The following MNDA variants were observed in gnomAD, a reference collection of about 807,000 sequenced individuals.
MNDA encodes the protein myeloid cell nuclear differentiation antigen.
Under a neutral mutation model 37.8 loss-of-function variants are expected in MNDA, and 43 were observed. That is an observed-to-expected ratio of 1.14 (90% CI 0.89 to 1.47). The LOEUF is 1.47. Among genes scored for constraint, MNDA ranks in the 40% most tolerant of loss-of-function variants. The probability of loss-of-function intolerance (pLI) is 0.00; values close to 1 mark genes in which losing one functional copy is unlikely to be tolerated. For missense variants in MNDA, 536 were observed against 476.0 expected, an observed-to-expected ratio of 1.13 and a Z score of -1.17; for synonymous variants, 181 against 169.0, an observed-to-expected ratio of 1.07 and a Z score of -0.55.
chr1:158,843,565 T>TA (rs1397359427), intron 3 of MNDA, 150 bp downstream of exon 3: 26 of 877,886 alleles, frequency 3.0e-5, no homozygotes, highest in Non-Finnish European at 3.4e-5. Context: ...TTAGGTATCG[T>TA]AAAAATGTAA....
intron 5 of MNDA, among the ~76,000 whole-genome samples, chr1:158,847,284 C>A (rs567046946): frequency 2.0e-4 from 30 of 152,216 alleles, no homozygotes; most frequent in Admixed American, 1.3e-3. Context: ...AACCCAAAAC[C>A]ATTTGTACCC....
At chr1:158,841,177 G>A (rs1048225649) in intron 1 of MNDA, among the ~76,000 whole-genome samples, 13 of 152,084 alleles carry the variant, frequency 8.5e-5, no homozygotes, top group African/African-American at 3.1e-4. Context: ...GGAATTAGCA[G>A]TAAGAAGACC....
chr1:158,840,314 C>T (rs1659005118), intron 1 of MNDA, among the ~76,000 whole-genome samples: 1 of 152,152 alleles, frequency 6.6e-6, no homozygotes, highest in African/African-American at 2.4e-5. Flanking sequence ...GATTTACTCA[C>T]AGTTCCGCAC....
intron 5 of MNDA, among the ~76,000 whole-genome samples, chr1:158,846,908 C>T (rs1182395244): frequency 6.6e-6 from 1 of 152,148 alleles, no homozygotes; most frequent in Non-Finnish European, 1.5e-5. Context: ...GTGTGTGAAA[C>T]ACTACAGAGT....
At chr1:158,847,539 C>A (rs972301139) in intron 5 of MNDA, among the ~76,000 whole-genome samples, 189 bp from the exon 6 acceptor site, 3 of 151,770 alleles carry the variant, frequency 2.0e-5, no homozygotes, top group Non-Finnish European at 4.4e-5. Context: ...AAGAAAAATA[C>A]CTTAAGCAGG....
chr1:158,841,023 G>A (rs72702934), intron 1 of MNDA, among the ~76,000 whole-genome samples: 16,091 of 152,152 alleles, frequency 0.11, 1,203 homozygotes, highest in Middle Eastern at 0.17. Context: ...CCCTTAGGTA[G>A]TACACAAGGG....
chr1:158,843,871 A>T, intron 3 of MNDA, 84 bp from the exon 4 acceptor site: 1 of 1,206,474 alleles, frequency 8.3e-7, no homozygotes, highest in South Asian at 1.6e-5. Context: ...AATAGAACTT[A>T]CTATGTTGTA....
chr1:158,848,904 A>C (rs1659195279), intron 6 of MNDA, among the ~76,000 whole-genome samples: 1 of 152,170 alleles, frequency 6.6e-6, no homozygotes, highest in South Asian at 2.1e-4. Flanking sequence ...TACAAATCGA[A>C]ACTTTTAAAA....
In MNDA at chr1:158,843,297, C is replaced by A. The variant is rs1659067918; in HGVS notation, c.284C>A (p.Thr95Lys). ...EKSKVAKKIK[T>K]QEKAPVKKIN... ...TTGTCAGTTGCTAAGAAAATTAAAA[C>A]ACAAGAAAAAGCTCCAGTGAAAAAA... The change falls in exon 3 of 7, where the codon ACA (threonine) becomes AAA (lysine). Residue 95 changes from threonine to lysine, a missense_variant. Thr to Lys is a moderately conservative substitution (Grantham distance 78). Coordinates refer to ENST00000368141, the MANE Select transcript of MNDA (RefSeq NM_002432.3). 1 of 1,609,244 alleles carries A rather than the reference C, an allele frequency of 6.2e-7. No individual in the cohort carries two copies. Among genetic ancestry groups the A allele is most frequent in the East Asian group, 2.2e-5 (1 of 44,512 alleles).
Position 158,849,193 on chromosome 1 carries a change from A to T in MNDA, c.1180A>T (p.Ile394Phe). 6.2e-7 allele frequency: 1 copy of T among 1,611,550 alleles called. No individual in the cohort carries two copies. Among genetic ancestry groups the T allele is most frequent in the Non-Finnish European group, 8.5e-7 (1 of 1,178,312 alleles). Reference sequence around the variant, plus strand: ...TCTTTCTTATCTCTCTTTAAAGGTCATCAAGGCCAAGAAAAACAAGGAAGG... The same window carrying T: ...TCTTTCTTATCTCTCTTTAAAGGTCTTCAAGGCCAAGAAAAACAAGGAAGG... ...VCGSHSFIKV[I>F]KAKKNKEGPM... Residue 394 changes from isoleucine (I) to phenylalanine (F), a missense_variant, in exon 7 of 7, where the codon ATC (isoleucine) becomes TTC (phenylalanine). Transcript: ENST00000368141.
Position 158,847,716 on chromosome 1 carries a change from C to A in MNDA, c.988-12C>A. 1 of 1,605,064 alleles carries A rather than the reference C, an allele frequency of 6.2e-7. No homozygotes were observed. The highest frequency in any genetic ancestry group is 1.1e-5 in the South Asian group (1 of 89,952). On this transcript the variant is annotated splice_polypyrimidine_tract_variant and intron_variant, in intron 5 of 6. Transcript: ENST00000368141. ...ATCCTCTCAGAAACAGGATGTTAAT[C>A]TTCTTTTGCAGAAAAGCGTACACAA...
intron 1 of MNDA, among the ~76,000 whole-genome samples, chr1:158,836,210 C>G (rs933682222): frequency 2.6e-5 from 4 of 151,906 alleles, no homozygotes; most frequent in African/African-American, 9.7e-5. Flanking sequence ...GTGCCTCTGT[C>G]TGGCTTTGCA....
intron 6 of MNDA, 122 bp downstream of exon 6, chr1:158,848,038 A>G: frequency 1.2e-6 from 1 of 855,424 alleles, no homozygotes; most frequent in Non-Finnish European, 1.8e-6. Context: ...GAGAACCTAA[A>G]CAATGCCCTT....
chr1:158,846,153 CTAAG>C, intron 5 of MNDA, 150 bp downstream of exon 5: 1 of 772,866 alleles, frequency 1.3e-6, no homozygotes, highest in Non-Finnish European at 2.0e-6. Context: ...GGAAATAGGA[CTAAG>C]TGACCTATTA....
chr1:158,849,217 G>GT lies in MNDA; in HGVS notation c.1204_1205insT (p.Gly402ValfsTer6). ...CATCAAGGCCAAGAAAAACAAGGAA[G>GT]GACCAATGAATGTTAATTGAAATAT... is the stretch of plus-strand genomic sequence containing the variant. On this transcript the variant is annotated frameshift_variant, in exon 7 of 7. Transcript: ENST00000368141. LOFTEE classifies it low-confidence loss of function (END_TRUNC). The GT allele has an allele frequency of 6.2e-7, 1 of 1,611,234 alleles. No individual in the cohort carries two copies. Among genetic ancestry groups the GT allele is most frequent in the Non-Finnish European group, 8.5e-7 (1 of 1,178,348 alleles).
chr1:158,847,142 T>C (rs556345618), intron 5 of MNDA, among the ~76,000 whole-genome samples: 1 of 152,252 alleles, frequency 6.6e-6, no homozygotes, highest in Admixed American at 6.5e-5. Flanking sequence ...TCTAATAAAC[T>C]TTCAAGACTC....
At position 158,845,656 on chromosome 1, in the gene MNDA, G is replaced by A. The variant is rs1453239445; in HGVS notation, c.640G>A (p.Val214Met). 1 of 1,614,124 alleles carries A rather than the reference G, an allele frequency of 6.2e-7. No homozygotes were observed. The highest frequency in any genetic ancestry group is 8.5e-7 in the Non-Finnish European group (1 of 1,179,976). The change falls in exon 5 of 7, where the codon GTG becomes ATG. Residue 214 changes from valine to methionine, a missense_variant. Coordinates refer to ENST00000368141, the MANE Select transcript of MNDA (RefSeq NM_002432.3). ...RNVPQNDPVTVVVLKATAPFK... is the reference protein window; with the variant it reads ...RNVPQNDPVTMVVLKATAPFK... ...TGTTCCCCAAAACGACCCAGTGACAGTGGTGGTACTGAAAGCAACAGCGCC... is the reference window on the plus strand; with the variant it reads ...TGTTCCCCAAAACGACCCAGTGACAATGGTGGTACTGAAAGCAACAGCGCC...
chr1:158,833,582 C>T (rs1042639047), intron 1 of MNDA, among the ~76,000 whole-genome samples: 5 of 152,130 alleles, frequency 3.3e-5, no homozygotes, highest in Admixed American at 2.0e-4. Context: ...ATACAGTAAG[C>T]GTGTGCTTTT....
intron 1 of MNDA, among the ~76,000 whole-genome samples, chr1:158,832,982 C>A (rs891407390): frequency 6.6e-6 from 1 of 152,046 alleles, no homozygotes; most frequent in African/African-American, 2.4e-5. Context: ...CTTCTCCTTT[C>A]TTGTCAAGTT....
Sources: allele counts gnomAD v4.1 joint callset (sites outside exome capture counted in the v4.1 genomes callset), GRCh38; gene constraint gnomAD v4.1.1; transcripts MANE v1.5; gene names NCBI Gene and HGNC (gene_info 2026-07-23, HGNC 2026-07-21).